RIN3: variants seen among roughly 807,000 people sequenced by gnomAD.
The protein encoded by RIN3 is RAB5 interacting protein 3.
A neutral mutation model predicts 76.3 loss-of-function variants in RIN3; 54 were observed. That is an observed-to-expected ratio of 0.71 (90% confidence interval 0.57 to 0.89). The LOEUF (loss-of-function observed/expected upper bound fraction) is 0.89, where lower values mean the gene tolerates loss of function less well. Among genes scored for constraint, RIN3 ranks in the 40% least tolerant of loss-of-function variants. The probability of loss-of-function intolerance (pLI) is 0.00; values close to 1 mark genes in which losing one functional copy is unlikely to be tolerated. For synonymous variants in RIN3, 576 were observed against 564.0 expected (o/e 1.02, Z -0.30); for missense variants, 1,256 against 1,322.1 (o/e 0.95, Z 0.78).
At chr14:92,576,916 G>A (rs553526256) in intron 2 of RIN3, among the ~76,000 whole-genome samples, 9 of 152,118 alleles carry the variant, frequency 5.9e-5, no homozygotes, top group African/African-American at 9.7e-5. Context: ...CAGAGTGTAC[G>A]TGCTGGGGTG....
intron 3 of RIN3, among the ~76,000 whole-genome samples, chr14:92,581,873 G>A (rs1254779601): frequency 6.6e-6 from 1 of 152,206 alleles, no homozygotes; most frequent in Non-Finnish European, 1.5e-5. Flanking sequence ...AAGGAGCAGG[G>A]TGGGAGGCAG....
chr14:92,587,138 A>G (rs571705211), intron 3 of RIN3, among the ~76,000 whole-genome samples: 1 of 152,370 alleles, frequency 6.6e-6, no homozygotes, highest in South Asian at 2.1e-4. Context: ...ATCGGAAGCC[A>G]CGCAAAGGTT....
chr14:92,534,079 T>TTA (rs1472406233), intron 1 of RIN3, among the ~76,000 whole-genome samples: 1 of 152,086 alleles, frequency 6.6e-6, no homozygotes, highest in East Asian at 1.9e-4. Flanking sequence ...TGGACTTCTT[T>TTA]TATATATATT....
At chr14:92,662,115 C>T (rs1205154012) in intron 7 of RIN3, among the ~76,000 whole-genome samples, 1 of 152,202 alleles carries the variant, frequency 6.6e-6, no homozygotes. Flanking sequence ...TCGAGTATGC[C>T]CTGCCAGGCG....
intron 7 of RIN3, among the ~76,000 whole-genome samples, chr14:92,671,294 A>G (rs745747792): frequency 5.9e-5 from 9 of 151,442 alleles, no homozygotes; most frequent in Non-Finnish European, 1.2e-4. Flanking sequence ...CAAGAAGTTG[A>G]TAACGGGAAG....
intron 1 of RIN3, among the ~76,000 whole-genome samples, chr14:92,516,500 G>A (rs1896447412): frequency 6.6e-6 from 1 of 152,186 alleles, no homozygotes; most frequent in African/African-American, 2.4e-5. Context: ...AGGAGCTAAT[G>A]TTCCCTGGAG....
intron 3 of RIN3, among the ~76,000 whole-genome samples, chr14:92,582,496 G>A (rs141386217): frequency 2.9e-5 from 4 of 139,688 alleles, no homozygotes; most frequent in Non-Finnish European, 4.6e-5. Flanking sequence ...CGCCCAGGCC[G>A]GAGTGCAGTG....
intron 1 of RIN3, among the ~76,000 whole-genome samples, chr14:92,519,561 C>T (rs61977342): frequency 0.039 from 5,961 of 152,248 alleles, 164 homozygotes; most frequent in Non-Finnish European, 0.058. Context: ...GTTTAGAGAC[C>T]GTCTGTGAAG....
intron 7 of RIN3, among the ~76,000 whole-genome samples, chr14:92,674,191 G>A (rs376917370): frequency 1.3e-5 from 2 of 152,138 alleles, no homozygotes; most frequent in Non-Finnish European, 2.9e-5. Context: ...AGCTTGCTAC[G>A]GTCCACAGCT....
intron 1 of RIN3, among the ~76,000 whole-genome samples, chr14:92,547,121 A>T (rs12890563): frequency 0.15 from 8,460 of 55,754 alleles, 2,685 homozygotes; most frequent in East Asian, 0.46. Flanking sequence ...TCTTTATTTT[A>T]TTATTATTAT....
intron 8 of RIN3, among the ~76,000 whole-genome samples, chr14:92,680,512 G>A (rs12884934): frequency 0.44 from 66,928 of 151,978 alleles, 15,390 homozygotes; most frequent in East Asian, 0.53. Flanking sequence ...CACTTCTTCT[G>A]TAAGGGCACT....
chr14:92,585,358 C>T (rs1016273270), intron 3 of RIN3, among the ~76,000 whole-genome samples: 5 of 152,220 alleles, frequency 3.3e-5, no homozygotes, highest in Admixed American at 2.0e-4. Flanking sequence ...TTGTGGGTGA[C>T]GCTGACACCC....
intron 1 of RIN3, among the ~76,000 whole-genome samples, chr14:92,546,056 G>A (rs572351871): frequency 2.0e-5 from 3 of 151,996 alleles, no homozygotes; most frequent in Non-Finnish European, 2.9e-5. Context: ...CTCCCTAGTA[G>A]CTGGGATTAC....
At chr14:92,662,999 C>T (rs1449115186) in intron 7 of RIN3, among the ~76,000 whole-genome samples, 5 of 151,848 alleles carry the variant, frequency 3.3e-5, no homozygotes, top group South Asian at 2.1e-4. Context: ...TTTGTAAAGA[C>T]GGGGTTTCAC....
chr14:92,658,956 C>G (rs1345847773), intron 6 of RIN3, among the ~76,000 whole-genome samples: 2 of 152,184 alleles, frequency 1.3e-5, no homozygotes, highest in African/African-American at 4.8e-5. Context: ...CCCAGGGGCT[C>G]CTGTGCCAGT....
At position 92,530,173 on chromosome 14, in the gene RIN3, A is replaced by G. The variant is rs149820969; in HGVS notation, c.44+16197A>G. On this transcript the variant is annotated intron_variant, in intron 1 of 9. Coordinates refer to ENST00000216487, the MANE Select transcript of RIN3 (RefSeq NM_024832.5). Reference sequence around the variant, plus strand: ...CACTGTGCACACTTCTACCATCAGCAGCTCATGCCTCTGGGTTAAGAAGTG... The same window carrying G: ...CACTGTGCACACTTCTACCATCAGCGGCTCATGCCTCTGGGTTAAGAAGTG... Among the ~76,000 whole-genome samples, 3 of 152,308 alleles carry G rather than the reference A, an allele frequency of 2.0e-5. No individual in the cohort carries two copies. The East Asian group carries it at 5.8e-4, about 29-fold the overall frequency.
chr14:92,649,767 G>C (rs1887342826), intron 5 of RIN3, among the ~76,000 whole-genome samples: 1 of 152,210 alleles, frequency 6.6e-6, no homozygotes, highest in South Asian at 2.1e-4. Context: ...ACATTGGAAA[G>C]AGTCACAGGA....
intron 4 of RIN3, among the ~76,000 whole-genome samples, chr14:92,634,976 T>C (rs1209086281): frequency 5.3e-5 from 8 of 152,264 alleles, no homozygotes; most frequent in Admixed American, 5.2e-4. Context: ...ATCCAGGCAG[T>C]CTGCAGAGTA....
intron 2 of RIN3, among the ~76,000 whole-genome samples, chr14:92,566,660 A>G (rs1317801162): frequency 6.6e-6 from 1 of 152,170 alleles, no homozygotes; most frequent in African/African-American, 2.4e-5. Context: ...AGGGACTATT[A>G]TGACCCCATT....
Sources: gnomAD v4.1 joint callset for allele counts (sites outside exome capture counted in the v4.1 genomes callset) on GRCh38, gnomAD v4.1.1 for gene constraint, MANE v1.5 for transcripts, NCBI Gene and HGNC (gene_info 2026-07-23, HGNC 2026-07-21) for gene names.